Variants in PUS10 observed in about 807,000 individuals in gnomAD.
The protein encoded by PUS10 is pseudouridine synthase 10.
In PUS10, 59 loss-of-function variants were observed where a neutral mutation model predicts 75.0. That is an observed-to-expected ratio of 0.79 (90% CI 0.64 to 0.98). PUS10 has a LOEUF of 0.98. Ranked by LOEUF, PUS10 falls within the 50% of genes least tolerant of loss-of-function variation. The pLI, the probability that PUS10 is intolerant of heterozygous loss-of-function variation, is 0.00. For missense variants in PUS10, 650 were observed against 614.4 expected (o/e 1.06, Z -0.61); for synonymous variants, 219 against 211.6 (o/e 1.03, Z -0.30).
chr2:60,962,695 T>G (rs958739116), intron 9 of PUS10, 131 bp downstream of exon 9: 10 of 1,403,946 alleles, frequency 7.1e-6, no homozygotes, highest in Admixed American at 6.6e-5. Context: ...GTTGGAGAGA[T>G]AACAATGACT....
chr2:60,955,201 A>G, intron 11 of PUS10, 127 bp from the exon 12 acceptor site: 1 of 487,858 alleles, frequency 2.0e-6, no homozygotes, highest in Non-Finnish European at 3.5e-6. Flanking sequence ...AGGGAGAGTC[A>G]TCATCCCACC....
At chr2:60,973,876 G>A (rs535183999) in intron 4 of PUS10, among the ~76,000 whole-genome samples, 1 of 152,332 alleles carries the variant, frequency 6.6e-6, no homozygotes, top group South Asian at 2.1e-4. Flanking sequence ...CCTGGACTCA[G>A]CCAGACCCAA....
chr2:61,006,781 T>C, intron 3 of PUS10, 138 bp from the exon 4 acceptor site: 1 of 631,114 alleles, frequency 1.6e-6, no homozygotes, highest in Non-Finnish European at 2.7e-6. Flanking sequence ...AGTGGAACAC[T>C]CACAAATATC....
Position 60,946,905 on chromosome 2 carries a change from G to A in PUS10, c.1451+1138C>T, listed in dbSNP as rs191026049. 6.3e-3 allele frequency among the ~76,000 whole-genome samples: 962 copies of A among 152,068 alleles called. 10 individuals carry two copies. Among genetic ancestry groups the A allele is most frequent in the Non-Finnish European group, 9.8e-3 (667 of 67,998 alleles). On this transcript the variant is annotated intron_variant, in intron 16 of 17. Transcript: ENST00000316752. Reference sequence around the variant, plus strand: ...TAGTACATTAGTTCTATACCAGTTAGAAGGTATTTTGTCACTTCATGCTAT... The same window carrying A: ...TAGTACATTAGTTCTATACCAGTTAAAAGGTATTTTGTCACTTCATGCTAT...
intron 6 of PUS10, 88 bp downstream of exon 6, chr2:60,967,413 GT>G: frequency 2.0e-5 from 17 of 853,392 alleles, no homozygotes; most frequent in East Asian, 5.5e-5. Flanking sequence ...TTAAAAAGAA[GT>G]TTTTTTGGCT....
At chr2:60,968,943 C>T (rs945513222) in intron 5 of PUS10, among the ~76,000 whole-genome samples, 1 of 152,134 alleles carries the variant, frequency 6.6e-6, no homozygotes, top group Non-Finnish European at 1.5e-5. Context: ...TATCCTGATA[C>T]TGTGTCAACA....
intron 4 of PUS10, among the ~76,000 whole-genome samples, chr2:60,982,775 T>C (rs1431595275): frequency 1.3e-5 from 2 of 152,170 alleles, no homozygotes; most frequent in Non-Finnish European, 2.9e-5. Context: ...AATTGCATGA[T>C]TTAATACCTA....
chr2:60,994,202 A>G, intron 4 of PUS10, among the ~76,000 whole-genome samples: 1 of 151,798 alleles, frequency 6.6e-6, no homozygotes. Flanking sequence ...GTTTCTGACA[A>G]TGAGTTTGGA....
chr2:60,953,899 C>G, intron 14 of PUS10, 34 bp downstream of exon 14: 1 of 1,590,782 alleles, frequency 6.3e-7, no homozygotes, highest in Non-Finnish European at 8.6e-7. Context: ...TAAAACGTCC[C>G]TTTTGAAATC....
chr2:60,948,155 G>T lies in PUS10; in HGVS notation c.1339C>A (p.Arg447Ser). The T allele has an allele frequency of 6.2e-7, 1 of 1,614,070 alleles. No homozygotes were observed. Among genetic ancestry groups the T allele is most frequent in the Non-Finnish European group, 8.5e-7 (1 of 1,179,992 alleles). ...GCCAGGGGCCTTCGGTGAAGGACGC[G>T]CAAAGGTGTTTTCTGGTCGATTTTT... ...DLKIDQKTPL[R>S]VLHRRPLAVR... The change falls in exon 16 of 18, where the codon CGC becomes AGC. Residue 447 changes from arginine to serine, a missense_variant. Arg to Ser is a moderately radical substitution (Grantham distance 110). Transcript: ENST00000316752.
chr2:60,954,207 A>G lies in PUS10; in HGVS notation c.1058-49T>C, dbSNP rs774973701. ...AAACAGAAACGTGTTGATGGAGTTA[A>G]CATTTGGGCTAATGCAAGAGGGTTA... On this transcript the variant is annotated intron_variant, in intron 12 of 17. Transcript: ENST00000316752. 13 of 1,589,114 alleles carry G rather than the reference A, an allele frequency of 8.2e-6. No homozygotes were observed. The South Asian group carries it at 1.4e-4, about 18-fold the overall frequency.
rs1192963037 is a variant in PUS10 at position 60,960,344 on chromosome 2, A to T, written c.1000+48T>A. The T allele has an allele frequency of 4.2e-5, 6 of 142,416 alleles. No individual in the cohort carries two copies. The South Asian group carries it at 1.3e-3, about 32-fold the overall frequency. 8.8% of individuals were successfully genotyped at this position (142,416 alleles called of 1,614,324 possible). Reference sequence around the variant, plus strand: ...AGTTGACAAAGCAAGCCCCTATCTCAAAAAAAAAAAAAAAAAGAAAGAAAA... The same window carrying T: ...AGTTGACAAAGCAAGCCCCTATCTCTAAAAAAAAAAAAAAAAGAAAGAAAA... On this transcript the variant is annotated intron_variant, in intron 11 of 17. Transcript: ENST00000316752.
chr2:60,956,490 G>A (rs550627828), intron 11 of PUS10, among the ~76,000 whole-genome samples: 1 of 152,278 alleles, frequency 6.6e-6, no homozygotes, highest in East Asian at 1.9e-4. Flanking sequence ...GGAATGAACA[G>A]GCCTCAAAGA....
intron 4 of PUS10, among the ~76,000 whole-genome samples, chr2:60,973,311 C>A (rs1214973892): frequency 1.3e-5 from 2 of 152,256 alleles, no homozygotes; most frequent in Non-Finnish European, 2.9e-5. Context: ...TCTCACCCAA[C>A]TTGCGGCTGT....
intron 4 of PUS10, among the ~76,000 whole-genome samples, chr2:61,004,851 CAT>C (rs1254326992): frequency 3.3e-5 from 5 of 152,200 alleles, no homozygotes; most frequent in South Asian, 2.1e-4. Flanking sequence ...ACTATGGAAA[CAT>C]ATTAATTCTT....
rs922825068 is a variant in PUS10, at chr2:60,945,093, A to G, written c.1467T>C (p.Phe489=). 2 of 1,613,222 alleles carry G rather than the reference A, an allele frequency of 1.2e-6. No individual in the cohort carries two copies. Among genetic ancestry groups the G allele is most frequent in the Non-Finnish European group, 1.7e-6 (2 of 1,179,138 alleles). The change falls in exon 17 of 18, where the codon TTT becomes TTC. Residue 489 remains phenylalanine (F), a synonymous_variant. Coordinates refer to ENST00000316752, the MANE Select transcript of PUS10 (RefSeq NM_144709.4). The part of the protein sequence containing the change: ...KTQAGTYIKE[F]VHGDFGRTKP... ...TGGTTCTCCCGAAGTCTCCATGTACAAACTCTTTAATGTAGCTGGGGTTTG... is the reference window on the plus strand; with the variant it reads ...TGGTTCTCCCGAAGTCTCCATGTACGAACTCTTTAATGTAGCTGGGGTTTG...
At chr2:60,978,354 G>A (rs575288047) in intron 4 of PUS10, among the ~76,000 whole-genome samples, 9 of 150,898 alleles carry the variant, frequency 6.0e-5, no homozygotes, top group African/African-American at 9.8e-5. Context: ...CCTGGGAGGC[G>A]GAAGTTGCAG....
intron 9 of PUS10, 53 bp from the exon 10 acceptor site, chr2:60,961,601 C>T (rs1231297274): frequency 1.4e-5 from 21 of 1,452,158 alleles, no homozygotes; most frequent in Non-Finnish European, 1.9e-5. Flanking sequence ...TATTGAATCA[C>T]AAAACTTAGA....
intron 2 of PUS10, among the ~76,000 whole-genome samples, chr2:61,011,200 C>G (rs1465366368): frequency 2.0e-5 from 3 of 152,116 alleles, no homozygotes; most frequent in Non-Finnish European, 4.4e-5. Flanking sequence ...TGTTACATAT[C>G]TTATGCAAAA....
Sources: allele counts gnomAD v4.1 joint callset (sites outside exome capture counted in the v4.1 genomes callset), GRCh38; gene constraint gnomAD v4.1.1; transcripts MANE v1.5; gene names NCBI Gene and HGNC (gene_info 2026-07-23, HGNC 2026-07-21).